Variants in UBASH3B observed in about 807,000 individuals in gnomAD.
UBASH3B encodes the protein ubiquitin associated and SH3 domain containing B, also known as ubiquitin-associated and SH3 domain-containing protein B.
Under a neutral mutation model 83.4 loss-of-function variants are expected in UBASH3B, and 37 were observed. That is an observed-to-expected ratio of 0.44 (90% confidence interval 0.34 to 0.58). The LOEUF is 0.58. Among genes scored for constraint, UBASH3B ranks in the 20% least tolerant of loss-of-function variants. UBASH3B has a pLI of 0.01. For missense variants in UBASH3B, 657 were observed against 827.2 expected, an observed-to-expected ratio of 0.79 and a Z score of 2.52; for synonymous variants, 304 against 318.3, an observed-to-expected ratio of 0.96 and a Z score of 0.48.
chr11:122,714,328 C>T (rs114162673), intron 1 of UBASH3B, among the ~76,000 whole-genome samples: 1,648 of 152,326 alleles, frequency 0.011, 24 homozygotes, highest in African/African-American at 0.035. Flanking sequence ...GAGCTCACTA[C>T]CTTACAAGGC....
chr11:122,745,303 A>C (rs1432169632), intron 1 of UBASH3B, among the ~76,000 whole-genome samples: 3 of 152,206 alleles, frequency 2.0e-5, no homozygotes, highest in Non-Finnish European at 4.4e-5. Flanking sequence ...CCATTTTCCT[A>C]TTCCCAGTAC....
chr11:122,803,476 G>A (rs12364085), intron 11 of UBASH3B, among the ~76,000 whole-genome samples: 5,221 of 152,238 alleles, frequency 0.034, 144 homozygotes, highest in Non-Finnish European at 0.049. Flanking sequence ...AGCCGAGTTA[G>A]GGAAGCTAAC....
Position 122,777,034 on chromosome 11 carries a change from C to A in UBASH3B, c.226C>A (p.His76Asn), listed in dbSNP as rs763488800. The A allele has an allele frequency of 1.2e-6, 2 of 1,607,736 alleles. No homozygotes were observed. Among genetic ancestry groups the A allele is most frequent in the Admixed American group, 3.4e-5 (2 of 58,886 alleles). The change falls in exon 3 of 14, where the codon CAT becomes AAT. Residue 76 changes from histidine (H) to asparagine (N), a missense_variant. His to Asn is a moderately conservative substitution (Grantham distance 68). Around this residue, in one of 3 missense-constraint regions of UBASH3B, gnomAD observed 573 missense variants for 739.0 expected, o/e 0.78. Coordinates refer to ENST00000284273, the MANE Select transcript of UBASH3B (RefSeq NM_032873.5). Reference protein sequence around the residue: ...VQAACDWLFSHVGDPFLDDPL... With the variant: ...VQAACDWLFSNVGDPFLDDPL... ...ACTTCTGTCTTACAGGTTATTCTCCCATGTCGGTGACCCCTTCCTGGATGA... is the reference window on the plus strand; with the variant it reads ...ACTTCTGTCTTACAGGTTATTCTCCAATGTCGGTGACCCCTTCCTGGATGA...
At chr11:122,744,520 C>T (rs1861079821) in intron 1 of UBASH3B, among the ~76,000 whole-genome samples, 1 of 151,756 alleles carries the variant, frequency 6.6e-6, no homozygotes, top group South Asian at 2.1e-4. Context: ...TATCTATGAG[C>T]TCGTGTTGTG....
At chr11:122,733,361 A>T (rs12417442) in intron 1 of UBASH3B, among the ~76,000 whole-genome samples, 1,526 of 152,368 alleles carry the variant, frequency 0.01, 39 homozygotes, top group Admixed American at 0.058. Flanking sequence ...GATGTCTGGC[A>T]GTGATTGGAT....
At chr11:122,789,452 G>A in intron 6 of UBASH3B, 144 bp downstream of exon 6, 1 of 916,406 alleles carries the variant, frequency 1.1e-6, no homozygotes, top group Non-Finnish European at 1.6e-6. Context: ...GCTGATTTGA[G>A]GCATGGGGAA....
intron 1 of UBASH3B, among the ~76,000 whole-genome samples, chr11:122,696,933 T>C (rs1399656456): frequency 6.6e-6 from 1 of 152,126 alleles, no homozygotes; most frequent in Non-Finnish European, 1.5e-5. Context: ...GCTGTTAAAA[T>C]AGGAGGGTGG....
chr11:122,680,245 G>GT (rs1401432296), intron 1 of UBASH3B, among the ~76,000 whole-genome samples: 1 of 152,220 alleles, frequency 6.6e-6, no homozygotes, highest in African/African-American at 2.4e-5. Context: ...TGATCTGTGG[G>GT]TTTCTGTATC....
At chr11:122,786,033 GTTTTTGTTTTTGTTTTTTGT>G (rs2135156016) in intron 5 of UBASH3B, among the ~76,000 whole-genome samples, 1 of 152,022 alleles carries the variant, frequency 6.6e-6, no homozygotes, top group Non-Finnish European at 1.5e-5. Flanking sequence ...GAGGTTTTTT[GTTTTTGTTTTTGTTTTTTGT>G]TTTTTGTTTT....
chr11:122,797,085 A>G (rs1356811725), intron 9 of UBASH3B, 52 bp downstream of exon 9: 2 of 1,539,328 alleles, frequency 1.3e-6, no homozygotes, highest in East Asian at 4.6e-5. Context: ...TCCTCCTTCA[A>G]AACACTGGTA....
rs931693971 is a variant in UBASH3B at position 122,806,503 on chromosome 11, A to G, written c.1689A>G (p.Glu563=). 1 of 1,603,938 alleles carries G rather than the reference A, an allele frequency of 6.2e-7. No homozygotes were observed. Among genetic ancestry groups the G allele is most frequent in the Admixed American group, 1.7e-5 (1 of 58,070 alleles). ...SFQVTKEIIS[E]CKSKGNNILI... is the part of the protein sequence containing the mutation. ...AAGTAACAAAAGAAATAATAAGTGA[A>G]TGTAAAAGTAAAGGTAAGTGGTATT... is the stretch of plus-strand genomic sequence containing the variant. The change falls in exon 12 of 14, where the codon GAA becomes GAG. Residue 563 remains glutamate (E), a synonymous_variant. Transcript: ENST00000284273. The surrounding 1 kb of genome is among the most constrained non-coding windows in gnomAD (Gnocchi z 4.0).
chr11:122,806,150 G>A lies in UBASH3B; in HGVS notation c.1596-260G>A, dbSNP rs1861336807. Among the ~76,000 whole-genome samples, 3 of 152,180 alleles carry A rather than the reference G, an allele frequency of 2.0e-5. No homozygotes were observed. The South Asian group carries it at 6.2e-4, about 32-fold the overall frequency. On this transcript the variant is annotated intron_variant, in intron 11 of 13. Transcript: ENST00000284273. The surrounding 1 kb of genome is among the most constrained non-coding windows in gnomAD (Gnocchi z 4.0). ...CAATGGCTTATTTGTTATCCCGAGA[G>A]TGAAACATGCACTGAATGTCTCATT...
intron 1 of UBASH3B, among the ~76,000 whole-genome samples, chr11:122,773,017 A>G (rs531089335): frequency 1.3e-5 from 2 of 152,222 alleles, no homozygotes; most frequent in Non-Finnish European, 2.9e-5. Context: ...ATTTGTTGCT[A>G]TCATCCAATG....
chr11:122,763,383 A>G (rs1437437980), intron 1 of UBASH3B, among the ~76,000 whole-genome samples: 1 of 152,190 alleles, frequency 6.6e-6, no homozygotes, highest in Non-Finnish European at 1.5e-5. Flanking sequence ...AAACCTAAAC[A>G]GCATTTTCCC....
intron 3 of UBASH3B, among the ~76,000 whole-genome samples, chr11:122,778,248 A>G (rs1860776872): frequency 1.3e-5 from 2 of 152,258 alleles, no homozygotes; most frequent in South Asian, 4.2e-4. Context: ...TAATGTTCCT[A>G]ACACCTTCTC....
chr11:122,789,400 A>T, intron 6 of UBASH3B, 92 bp downstream of exon 6: 1 of 1,400,088 alleles, frequency 7.1e-7, no homozygotes, highest in Admixed American at 1.8e-5. Flanking sequence ...AATGGAGTCC[A>T]TGGGAAGAAG....
intron 1 of UBASH3B, among the ~76,000 whole-genome samples, chr11:122,679,512 C>T (rs987714265): frequency 2.6e-5 from 4 of 152,180 alleles, no homozygotes; most frequent in Non-Finnish European, 5.9e-5. Context: ...ACCTCAAACC[C>T]ACTACGTTAG....
chr11:122,673,114 G>A (rs1863621883), intron 1 of UBASH3B, among the ~76,000 whole-genome samples: 1 of 152,226 alleles, frequency 6.6e-6, no homozygotes, highest in Non-Finnish European at 1.5e-5. Context: ...ACGTGACAGT[G>A]AGTTGTGCTC....
At chr11:122,680,500 G>A (rs919877504) in intron 1 of UBASH3B, among the ~76,000 whole-genome samples, 3 of 152,160 alleles carry the variant, frequency 2.0e-5, no homozygotes, top group African/African-American at 7.2e-5. Context: ...TTTCGCTCTT[G>A]TTGCCCAGGC....
Sources: gnomAD v4.1 joint callset for allele counts (sites outside exome capture counted in the v4.1 genomes callset) on GRCh38, gnomAD v4.1.1 for gene constraint, gnomAD v4.1.1 regional missense constraint, Gnocchi (gnomAD v3.1) non-coding constraint, MANE v1.5 for transcripts, NCBI Gene and HGNC (gene_info 2026-07-23, HGNC 2026-07-21) for gene names.